Variants in UEVLD observed in about 807,000 individuals in gnomAD.
UEVLD encodes UEV and lactate/malate dehyrogenase domains, also known as ubiquitin-conjugating enzyme E2 variant 3.
In UEVLD, 47 loss-of-function variants were observed where a neutral mutation model predicts 58.6. The observed-to-expected ratio is 0.80, with a 90% CI of 0.63 to 1.02. The LOEUF is 1.02. UEVLD is among the 50% of genes least tolerant of loss of function. The pLI is 0.00. For missense variants in UEVLD, 510 were observed against 550.6 expected (o/e 0.93, Z 0.74); for synonymous variants, 197 against 195.3 (o/e 1.01, Z -0.07).
Position 18,532,273 on chromosome 11 carries a change from CTT to C in UEVLD, c.*45_*46del. ...CCTATATATAGGTAAAATTAAATGA[CTT>C]TTCCCTTTAGGTAGAAGTCCAGCCT... On this transcript the variant is annotated 3_prime_UTR_variant, in exon 12 of 12. Transcript: ENST00000396197. 1 of 1,524,248 alleles carries C rather than the reference CTT, an allele frequency of 6.6e-7. No individual in the cohort carries two copies. The highest frequency in any genetic ancestry group is 1.3e-5 in the South Asian group (1 of 75,982). 94.4% of individuals were successfully genotyped at this position (1,524,248 alleles called of 1,614,324 possible).
intron 1 of UEVLD, among the ~76,000 whole-genome samples, chr11:18,587,026 C>T (rs564280929): frequency 6.6e-6 from 1 of 151,936 alleles, no homozygotes; most frequent in Non-Finnish European, 1.5e-5. Flanking sequence ...AGCGAGACTC[C>T]GTCTCAAAAC....
chr11:18,564,997 T>G lies in UEVLD; in HGVS notation c.507A>C (p.Thr169=). ...IAKITEGVSD[T]NSKSWANHEN... ...CATGATTTGCCCAGCTCTTTGAATT[T>G]GTATCTGAAACACCTAGAAAGAAAG... The change falls in exon 6 of 12, where the codon ACA becomes ACC. Residue 169 remains threonine, a synonymous_variant. Transcript: ENST00000396197. The G allele has an allele frequency of 6.2e-7, 1 of 1,611,124 alleles. No individual in the cohort carries two copies.
chr11:18,575,320 A>ACTTTTTTT, intron 3 of UEVLD, 27 bp downstream of exon 3: 1 of 1,581,074 alleles, frequency 6.3e-7, no homozygotes, highest in Non-Finnish European at 8.5e-7. Flanking sequence ...TAGAAAACTC[A>ACTTTTTTT]CACATTTTTT....
rs190209583 is a variant in UEVLD at position 18,549,140 on chromosome 11, G to C, written c.716-2090C>G. Among the ~76,000 whole-genome samples, 17 of 151,706 alleles carry C rather than the reference G, an allele frequency of 1.1e-4. 1 individual carries two copies. The highest frequency in any genetic ancestry group is 1.1e-3 in the Admixed American group (17 of 15,234). On this transcript the variant is annotated intron_variant, in intron 7 of 11. Transcript: ENST00000396197. ...CAAAGTCATAGAGCTGAAGTGTAGA[G>C]CCAGAGGTTAAGCCCATGCAGTCTG...
intron 1 of UEVLD, among the ~76,000 whole-genome samples, chr11:18,587,952 G>C (rs988177677): frequency 2.6e-5 from 4 of 152,080 alleles, no homozygotes; most frequent in Admixed American, 6.6e-5. Context: ...AGATTTCTAG[G>C]TCGGCCCGCC....
At chr11:18,577,899 A>G (rs1209688114) in intron 2 of UEVLD, among the ~76,000 whole-genome samples, 5 of 151,320 alleles carry the variant, frequency 3.3e-5, no homozygotes, top group Non-Finnish European at 7.4e-5. Flanking sequence ...AAGAAAGATT[A>G]AGATAATAAA....
chr11:18,588,700 C>G lies in UEVLD; in HGVS notation c.-46G>C. Reference sequence around the variant, plus strand: ...AGGTCCCAGGACTCCAGCCCCCGGACCTTCTTCCGGACTTGCTGCAGGACG... The same window carrying G: ...AGGTCCCAGGACTCCAGCCCCCGGAGCTTCTTCCGGACTTGCTGCAGGACG... On this transcript the variant is annotated 5_prime_UTR_variant, in exon 1 of 12. Coordinates refer to ENST00000396197, the MANE Select transcript of UEVLD (RefSeq NM_001040697.4). 6.3e-7 allele frequency: 1 copy of G among 1,595,630 alleles called. No individual in the cohort carries two copies. The highest frequency in any genetic ancestry group is 8.5e-7 in the Non-Finnish European group (1 of 1,175,800).
At chr11:18,580,457 A>G (rs1853179883) in intron 1 of UEVLD, among the ~76,000 whole-genome samples, 1 of 152,170 alleles carries the variant, frequency 6.6e-6, no homozygotes, top group Non-Finnish European at 1.5e-5. Context: ...AGTGAAAACA[A>G]TTCAAATGTC....
chr11:18,545,052 C>A (rs1565113377), intron 8 of UEVLD, among the ~76,000 whole-genome samples: 2 of 41,560 alleles, frequency 4.8e-5, no homozygotes, highest in Admixed American at 2.6e-4. Flanking sequence ...CTATCTATAT[C>A]TATATCTATA....
intron 7 of UEVLD, among the ~76,000 whole-genome samples, chr11:18,553,203 G>A (rs1203113498): frequency 2.0e-5 from 3 of 147,572 alleles, no homozygotes; most frequent in Admixed American, 6.8e-5. Flanking sequence ...GCGTGCTCCC[G>A]TAATCCCAGT....
At chr11:18,574,145 C>T (rs549311587) in intron 3 of UEVLD, among the ~76,000 whole-genome samples, 1 of 152,248 alleles carries the variant, frequency 6.6e-6, no homozygotes, top group East Asian at 1.9e-4. Flanking sequence ...TTCAAAAGAA[C>T]AGTGAACTTT....
At position 18,586,110 on chromosome 11, in the gene UEVLD, T is replaced by G. The variant is rs527649504; in HGVS notation, c.42+2503A>C. On this transcript the variant is annotated intron_variant, in intron 1 of 11. Coordinates refer to ENST00000396197, the MANE Select transcript of UEVLD (RefSeq NM_001040697.4). ...AACTGGGATATCTATTTAATTAGAT[T>G]TTTTACTTTCTCCATAGTTGCTTAA... Among the ~76,000 whole-genome samples, 10 of 152,320 alleles carry G rather than the reference T, an allele frequency of 6.6e-5. No individual in the cohort carries two copies. The South Asian group carries it at 1.9e-3, about 28-fold the overall frequency.
chr11:18,572,804 C>CA (rs11394988), intron 3 of UEVLD, among the ~76,000 whole-genome samples: 45,360 of 102,802 alleles, frequency 0.44, 8,989 homozygotes, highest in Middle Eastern at 0.6. Flanking sequence ...AACTCCATCT[C>CA]AAAAAAAAAA....
chr11:18,541,972 T>G (rs1227657386), intron 9 of UEVLD, among the ~76,000 whole-genome samples: 1 of 152,126 alleles, frequency 6.6e-6, no homozygotes, highest in Non-Finnish European at 1.5e-5. Context: ...AGATGGTCCC[T>G]TCCAGCTCTC....
intron 7 of UEVLD, among the ~76,000 whole-genome samples, chr11:18,555,958 A>G (rs1156805851): frequency 6.6e-6 from 1 of 152,200 alleles, no homozygotes; most frequent in Non-Finnish European, 1.5e-5. Flanking sequence ...CTAGAAAAAA[A>G]AAATGTACAA....
chr11:18,561,292 T>C (rs1852018991), intron 6 of UEVLD, among the ~76,000 whole-genome samples: 1 of 152,140 alleles, frequency 6.6e-6, no homozygotes, highest in African/African-American at 2.4e-5. Context: ...CAAAGGGTTG[T>C]TGTAAAAATG....
intron 1 of UEVLD, among the ~76,000 whole-genome samples, chr11:18,586,381 A>AT (rs1565148815): frequency 1.3e-5 from 2 of 151,556 alleles, no homozygotes; most frequent in Non-Finnish European, 2.9e-5. Context: ...CGCCTGGCTT[A>AT]TTTTTTTGTA....
chr11:18,545,924 A>G lies in UEVLD; in HGVS notation c.886+956T>C, dbSNP rs79328031. Among the ~76,000 whole-genome samples, 677 of 152,140 alleles carry G rather than the reference A, an allele frequency of 4.4e-3. 3 individuals are homozygous for G. The highest frequency in any genetic ancestry group is 0.027 in the Middle Eastern group (8 of 294). ...TATCTTTAAATTAAAATACTGATTCATATGCCACCATGATTCAGTGTCGCA... is the reference window on the plus strand; with the variant it reads ...TATCTTTAAATTAAAATACTGATTCGTATGCCACCATGATTCAGTGTCGCA... On this transcript the variant is annotated intron_variant, in intron 8 of 11. Transcript: ENST00000396197.
chr11:18,567,962 T>C (rs1852378371), intron 4 of UEVLD, among the ~76,000 whole-genome samples: 1 of 152,072 alleles, frequency 6.6e-6, no homozygotes, highest in Non-Finnish European at 1.5e-5. Flanking sequence ...CTGGACAACA[T>C]AGGGAGATCC....
Sources: allele counts gnomAD v4.1 joint callset (sites outside exome capture counted in the v4.1 genomes callset), GRCh38; gene constraint gnomAD v4.1.1; transcripts MANE v1.5; gene names NCBI Gene and HGNC (gene_info 2026-07-23, HGNC 2026-07-21).